Variants in PGBD2 observed in about 807,000 individuals in gnomAD.
The protein encoded by PGBD2 is piggyBac transposable element-derived protein 2.
A neutral mutation model predicts 8.1 loss-of-function variants in PGBD2; 6 were observed. The observed-to-expected ratio is 0.74, with a 90% CI of 0.40 to 1.46. The LOEUF (loss-of-function observed/expected upper bound fraction) is 1.46, where lower values mean the gene tolerates loss of function less well. Among genes scored for constraint, PGBD2 ranks in the 40% most tolerant of loss-of-function variants. PGBD2 has a pLI of 0.02. For synonymous variants in PGBD2, 318 were observed against 272.2 expected (o/e 1.17, Z -1.66); for missense variants, 802 against 739.0 (o/e 1.09, Z -0.99).
At chr1:248,929,275 C>T in the PGBD2 span, among the ~76,000 whole-genome samples, 9 of 152,050 alleles carry the variant, frequency 5.9e-5, no homozygotes, top group Non-Finnish European at 1.3e-4. Flanking sequence ...ATCGTTCTGC[C>T]ATCTCCATTC....
rs756140489 is a variant in PGBD2, at chr1:248,917,573, T to C, written c.989T>C (p.Met330Thr). Reference sequence around the variant, plus strand: ...AGGAGCTTGGATCTAGGAGGCAGTATGGTAATAAAATTTGTGGATGCGCTT... The same window carrying C: ...AGGAGCTTGGATCTAGGAGGCAGTACGGTAATAAAATTTGTGGATGCGCTT... The part of the protein sequence containing the change: ...PDRSLDLGGS[M>T]VIKFVDALQE... Residue 330 changes from methionine (M) to threonine (T), a missense_variant, in exon 3 of 3, where the codon ATG (methionine) becomes ACG (threonine). Met to Thr is a moderately conservative substitution (Grantham distance 81). Transcript: ENST00000329291. 6.2e-7 allele frequency: 1 copy of C among 1,614,214 alleles called. No homozygotes were observed. The highest frequency in any genetic ancestry group is 8.5e-7 in the Non-Finnish European group (1 of 1,180,034).
the PGBD2 span, among the ~76,000 whole-genome samples, chr1:248,892,888 C>G: frequency 3.9e-5 from 6 of 152,306 alleles, no homozygotes; most frequent in Admixed American, 3.9e-4. Context: ...GAGAGAAACT[C>G]TGGACACCCA....
chr1:248,880,899 T>C, the PGBD2 span, among the ~76,000 whole-genome samples: 5 of 152,164 alleles, frequency 3.3e-5, no homozygotes, highest in African/African-American at 1.2e-4. Flanking sequence ...TTAATTGGGA[T>C]TTTTTCCTGT....
intron 1 of PGBD2, among the ~76,000 whole-genome samples, chr1:248,906,757 C>T (rs899692140): frequency 2.7e-5 from 4 of 150,808 alleles, no homozygotes; most frequent in Admixed American, 6.6e-5. Flanking sequence ...GGCTCTGTGC[C>T]GGGGCGCGCT....
the PGBD2 span, among the ~76,000 whole-genome samples, chr1:248,882,790 A>G: frequency 2.0e-5 from 3 of 152,194 alleles, no homozygotes; most frequent in East Asian, 5.8e-4. Flanking sequence ...GAAGCACATC[A>G]TGCACTGTTG....
chr1:248,874,098 C>T, the PGBD2 span, among the ~76,000 whole-genome samples: 2 of 152,282 alleles, frequency 1.3e-5, no homozygotes, highest in African/African-American at 2.4e-5. Flanking sequence ...CCCTGTCTGC[C>T]GCAGCAAGGG....
the PGBD2 span, among the ~76,000 whole-genome samples, chr1:248,873,935 C>T: frequency 1.3e-5 from 2 of 152,252 alleles, no homozygotes; most frequent in South Asian, 2.1e-4. Flanking sequence ...CGGATGGAGG[C>T]GTGGGTTCGA....
chr1:248,929,661 A>G, the PGBD2 span, among the ~76,000 whole-genome samples: 1 of 152,190 alleles, frequency 6.6e-6, no homozygotes, highest in Non-Finnish European at 1.5e-5. Context: ...GTGAGCTCAG[A>G]CACCATCATC....
At chr1:248,894,980 A>AT in the PGBD2 span, among the ~76,000 whole-genome samples, 1 of 151,776 alleles carries the variant, frequency 6.6e-6, no homozygotes, top group Non-Finnish European at 1.5e-5. Context: ...GTTGTTGTTA[A>AT]TTTTTTTAGA....
chr1:248,921,543 T>C (rs1028628828), downstream of PGBD2, among the ~76,000 whole-genome samples: 2 of 152,214 alleles, frequency 1.3e-5, no homozygotes, highest in African/African-American at 4.8e-5. Context: ...TGTAGCCTTG[T>C]AGTAGAGTTT....
chr1:248,901,184 T>A, the PGBD2 span, among the ~76,000 whole-genome samples: 1 of 152,162 alleles, frequency 6.6e-6, no homozygotes, highest in Non-Finnish European at 1.5e-5. Flanking sequence ...ATTTATAGAT[T>A]CAATGCTATT....
the PGBD2 span, among the ~76,000 whole-genome samples, chr1:248,897,449 G>T: frequency 6.6e-6 from 1 of 151,980 alleles, no homozygotes; most frequent in Non-Finnish European, 1.5e-5. Context: ...AAGTAAAAAT[G>T]GCCTTGCTGA....
At chr1:248,913,917 T>A (rs745566659) in intron 2 of PGBD2, 38 bp downstream of exon 2, 33 of 1,574,060 alleles carry the variant, frequency 2.1e-5, no homozygotes, top group Non-Finnish European at 2.7e-5. Flanking sequence ...TATTGAAGAA[T>A]TTATTCCCCT....
At chr1:248,919,670 T>G (rs1371011737), downstream of PGBD2, 3 of 166,598 alleles carry the variant, frequency 1.8e-5, no homozygotes, top group African/African-American at 7.2e-5. Context: ...TTCAAACTGT[T>G]CTCCATAGAG....
chr1:248,924,172 C>T (rs1390010605), downstream of PGBD2, among the ~76,000 whole-genome samples: 1 of 152,208 alleles, frequency 6.6e-6, no homozygotes, highest in Non-Finnish European at 1.5e-5. Context: ...CAGCAGCGTC[C>T]ATCCAGAAAT....
intron 1 of PGBD2, among the ~76,000 whole-genome samples, chr1:248,908,115 C>A (rs1014385916): frequency 6.6e-6 from 1 of 152,144 alleles, no homozygotes; most frequent in Non-Finnish European, 1.5e-5. Context: ...AGGCCTTATT[C>A]GAATTTCTTT....
At chr1:248,922,010 A>G (rs1279233232), downstream of PGBD2, among the ~76,000 whole-genome samples, 2 of 151,268 alleles carry the variant, frequency 1.3e-5, no homozygotes, top group Non-Finnish European at 2.9e-5. Context: ...GATGTTGCCT[A>G]TCAGCTTAAG....
the PGBD2 span, among the ~76,000 whole-genome samples, chr1:248,898,068 A>T: frequency 6.6e-6 from 1 of 152,136 alleles, no homozygotes; most frequent in Admixed American, 6.5e-5. Context: ...GGTTTAATGG[A>T]CAGAACTCTG....
chr1:248,883,358 G>C, the PGBD2 span, among the ~76,000 whole-genome samples: 1 of 152,074 alleles, frequency 6.6e-6, no homozygotes. Flanking sequence ...CCCAACCTCA[G>C]GTGATCCGCC....
Sources: gnomAD v4.1 joint callset for allele counts (sites outside exome capture counted in the v4.1 genomes callset) on GRCh38, gnomAD v4.1.1 for gene constraint, MANE v1.5 for transcripts, NCBI Gene and HGNC (gene_info 2026-07-23, HGNC 2026-07-21) for gene names.